GUCA1B: variants seen among roughly 807,000 people sequenced by gnomAD.
The protein encoded by GUCA1B is guanylate cyclase activator 1B, also known as guanylyl cyclase-activating protein 2.
In GUCA1B, 22 loss-of-function variants were observed where a neutral mutation model predicts 24.2. The observed-to-expected ratio is 0.91, with a 90% confidence interval of 0.65 to 1.30. The LOEUF (loss-of-function observed/expected upper bound fraction) is 1.30, where lower values mean the gene tolerates loss of function less well. Among genes scored for constraint, GUCA1B ranks in the 50% most tolerant of loss-of-function variants. The pLI is 0.00. For synonymous variants in GUCA1B, 100 were observed against 97.9 expected, an observed-to-expected ratio of 1.02 and a Z score of -0.13; for missense variants, 221 against 258.8, an observed-to-expected ratio of 0.85 and a Z score of 1.00.
intron 1 of GUCA1B, among the ~76,000 whole-genome samples, chr6:42,192,080 G>A (rs1024894113): frequency 1.5e-4 from 22 of 151,086 alleles, no homozygotes; most frequent in Admixed American, 1.2e-3. Flanking sequence ...GGAAGGCCAG[G>A]CATGGTGGCT....
chr6:42,187,575 C>T (rs1012750810), intron 2 of GUCA1B, among the ~76,000 whole-genome samples: 2 of 151,612 alleles, frequency 1.3e-5, no homozygotes, highest in Non-Finnish European at 1.5e-5. Flanking sequence ...TGCGTACCAC[C>T]ACGCCCAGCT....
intron 2 of GUCA1B, among the ~76,000 whole-genome samples, chr6:42,186,819 T>C (rs1358768457): frequency 5.3e-5 from 8 of 152,264 alleles, no homozygotes; most frequent in Admixed American, 4.6e-4. Flanking sequence ...CTAGGTAGAC[T>C]AATTTGGGCC....
chr6:42,190,361 ATTTTT>A (rs143865611), intron 1 of GUCA1B, among the ~76,000 whole-genome samples: 3 of 123,016 alleles, frequency 2.4e-5, no homozygotes, highest in Admixed American at 1.6e-4. Context: ...GTCAACTTCC[ATTTTT>A]TTTTTTTTTT....
At position 42,184,380 on chromosome 6, in the gene GUCA1B, C is replaced by T. The variant is rs1768158534; in HGVS notation, c.*435G>A. 3.6e-6 allele frequency: 1 copy of T among 278,908 alleles called. No homozygotes were observed. Among genetic ancestry groups the T allele is most frequent in the Non-Finnish European group, 7.1e-6 (1 of 140,054 alleles). 17.3% of individuals were successfully genotyped at this position (278,908 alleles called of 1,614,324 possible). On this transcript the variant is annotated 3_prime_UTR_variant, in exon 4 of 4. Transcript: ENST00000230361. ...TGCTGGGATTACAGGCGTGAGCCAC[C>T]GTGCCCGGCAACTCCTGCCTTTTCT...
intron 1 of GUCA1B, among the ~76,000 whole-genome samples, chr6:42,189,104 A>G (rs1768258079): frequency 6.6e-6 from 1 of 151,868 alleles, no homozygotes; most frequent in African/African-American, 2.4e-5. Context: ...CTCTCTTCTC[A>G]TTTTCTATGA....
At position 42,188,706 on chromosome 6, in the gene GUCA1B, T is replaced by C. The variant is rs763770717; in HGVS notation, c.233A>G (p.Tyr78Cys). 14 of 1,613,990 alleles carry C rather than the reference T, an allele frequency of 8.7e-6. No homozygotes were observed. The highest frequency in any genetic ancestry group is 1.1e-5 in the Non-Finnish European group (13 of 1,180,008). The change falls in exon 2 of 4, where the codon TAC (tyrosine) becomes TGC (cysteine). Residue 78 changes from tyrosine to cysteine, a missense_variant. Physicochemically the swap from Tyr to Cys is radical, Grantham distance 194. Transcript: ENST00000230361. ...NGDNTIDFLE[Y>C]VAALNLVLRG... ...CAGCACGAGATTCAGAGCTGCCACG[T>C]ACTCCAGGAAGTCGATGGTGTTGTC...
rs769568495 is a variant in GUCA1B at position 42,194,677 on chromosome 6, G to A, written c.144C>T (p.Val48=). 2.2e-5 allele frequency: 35 copies of A among 1,613,832 alleles called. No homozygotes were observed. The highest frequency in any genetic ancestry group is 2.9e-5 in the Non-Finnish European group (34 of 1,179,770). ...ACTGGGAGGCCTCCTCATCGTCTGT[G>A]ACCTTGAAGAAGCGCTTAAACTCAT... ...FMHEFKRFFK[V]TDDEEASQYV... The change falls in exon 1 of 4, where the codon GTC becomes GTT. Residue 48 remains valine, a synonymous_variant. Transcript: ENST00000230361.
At chr6:42,192,992 T>C (rs926217583) in intron 1 of GUCA1B, among the ~76,000 whole-genome samples, 1 of 152,218 alleles carries the variant, frequency 6.6e-6, no homozygotes, top group Non-Finnish European at 1.5e-5. Context: ...TATATGTATA[T>C]ATACTTATAG....
intron 3 of GUCA1B, 49 bp from the exon 4 acceptor site, chr6:42,184,991 G>A: frequency 3.1e-6 from 5 of 1,600,912 alleles, no homozygotes; most frequent in Non-Finnish European, 4.3e-6. Flanking sequence ...GGGAGACCTG[G>A]GTCTGGGGGC....
intron 2 of GUCA1B, among the ~76,000 whole-genome samples, chr6:42,187,153 G>A (rs991135985): frequency 2.0e-5 from 3 of 152,132 alleles, no homozygotes; most frequent in Non-Finnish European, 2.9e-5. Context: ...TCACCAGGCT[G>A]GAGTGCAGTG....
intron 2 of GUCA1B, among the ~76,000 whole-genome samples, chr6:42,187,402 C>A (rs182412748): frequency 3.7e-3 from 543 of 145,688 alleles, no homozygotes; most frequent in Non-Finnish European, 5.2e-3. Flanking sequence ...CCGTGCCCGG[C>A]CAAGGGTTTA....
At chr6:42,192,869 G>A (rs938441898) in intron 1 of GUCA1B, among the ~76,000 whole-genome samples, 2 of 152,054 alleles carry the variant, frequency 1.3e-5, no homozygotes, top group Non-Finnish European at 2.9e-5. Context: ...GACAGAGCGA[G>A]ACTCTGTCTC....
At chr6:42,185,977 C>T (rs1051882146) in intron 2 of GUCA1B, among the ~76,000 whole-genome samples, 180 bp from the exon 3 acceptor site, 1 of 152,116 alleles carries the variant, frequency 6.6e-6, no homozygotes, top group African/African-American at 2.4e-5. Context: ...TCTCAGAATC[C>T]CACTGGCCTA....
chr6:42,191,384 G>T (rs144182291), intron 1 of GUCA1B, among the ~76,000 whole-genome samples: 20 of 151,918 alleles, frequency 1.3e-4, no homozygotes, highest in African/African-American at 4.8e-4. Flanking sequence ...ACATTTTCAC[G>T]TGTGAACCAC....
chr6:42,186,319 G>A (rs774390418), intron 2 of GUCA1B, among the ~76,000 whole-genome samples: 11 of 152,134 alleles, frequency 7.2e-5, no homozygotes, highest in Admixed American at 2.6e-4. Flanking sequence ...TAGTCTGGGC[G>A]CTGTGGCTCA....
intron 1 of GUCA1B, among the ~76,000 whole-genome samples, chr6:42,192,094 GC>G (rs1768314786): frequency 6.6e-6 from 1 of 150,396 alleles, no homozygotes; most frequent in South Asian, 2.1e-4. Context: ...GGTGGCTCAT[GC>G]CTGTAATCCC....
chr6:42,191,147 G>A (rs578030938), intron 1 of GUCA1B, among the ~76,000 whole-genome samples: 6 of 152,212 alleles, frequency 3.9e-5, no homozygotes, highest in Admixed American at 1.3e-4. Flanking sequence ...GCGTGTCACC[G>A]GCTCTGTGGG....
intron 1 of GUCA1B, among the ~76,000 whole-genome samples, chr6:42,190,388 G>T (rs1430000349): frequency 2.1e-5 from 3 of 144,258 alleles, no homozygotes; most frequent in Non-Finnish European, 3.0e-5. Flanking sequence ...TGGTGGGGAG[G>T]GGGTACTGAA....
At chr6:42,188,479 C>T in intron 2 of GUCA1B, 103 bp downstream of exon 2, 1 of 955,198 alleles carries the variant, frequency 1.0e-6, no homozygotes, top group Admixed American at 1.8e-5. Flanking sequence ...AGAATGATTT[C>T]AAGGCCTCTT....
Sources: allele counts gnomAD v4.1 joint callset (sites outside exome capture counted in the v4.1 genomes callset), GRCh38; gene constraint gnomAD v4.1.1; transcripts MANE v1.5; gene names NCBI Gene and HGNC (gene_info 2026-07-23, HGNC 2026-07-21).